OR2A1: variants seen among roughly 807,000 people sequenced by gnomAD.
The protein encoded by OR2A1 is olfactory receptor family 2 subfamily A member 1, also known as olfactory receptor 2A1/2A42.
For synonymous variants in OR2A1, 2 were observed against 94.7 expected (o/e 0.02, Z 5.68); for missense variants, 1 against 212.3 (o/e 0.00, Z 6.19).
rs1456266267 is a variant in OR2A1 at position 144,321,736 on chromosome 7, CA to C, written c.*2680del. ...ACCCAAAGCAAGATGCAAATGGACA[CA>C]TTTTTTTTCTGAAGACTTAAAAGTG... On this transcript the variant is annotated 3_prime_UTR_variant, in exon 2 of 2. Coordinates refer to ENST00000641044, the MANE Select transcript of OR2A1 (RefSeq NM_001005287.2). 19 of 148,578 alleles carry C rather than the reference CA, an allele frequency of 1.3e-4. No individual in the cohort carries two copies. Among genetic ancestry groups the C allele is most frequent in the East Asian group, 1.9e-4 (1 of 5,158 alleles). 9.2% of individuals were successfully genotyped at this position (148,578 alleles called of 1,614,324 possible).
Position 144,315,174 on chromosome 7 carries a change from A to AT in OR2A1, c.-5+2638dup, listed in dbSNP as rs1359124990. ...TACATTTGCAACTGGGTTATATTTA[A>AT]TTTTTTTTTTTAGTCTCTCCTTTCA... On this transcript the variant is annotated intron_variant, in intron 1 of 1. Transcript: ENST00000641044. Among the ~76,000 whole-genome samples, 39 of 41,160 alleles carry AT rather than the reference A, an allele frequency of 9.5e-4. 14 individuals carry two copies. Among genetic ancestry groups the AT allele is most frequent in the Middle Eastern group, 0.018 (2 of 112 alleles). 27.0% of individuals were successfully genotyped at this position (41,160 alleles called of 152,430 possible).
In OR2A1 at chr7:144,320,425, T is replaced by TGC. The variant is rs983917231; in HGVS notation, c.*1369_*1370dup. 1 of 76,798 alleles carries TGC rather than the reference T, an allele frequency of 1.3e-5. No individual in the cohort carries two copies. The highest frequency in any genetic ancestry group is 2.3e-5 in the Non-Finnish European group (1 of 43,142). 4.8% of individuals were successfully genotyped at this position (76,798 alleles called of 1,614,324 possible). ...ACTCACATGCTCACGTACATGCGTGTGCACACACACACACACACACACACA... is the reference window on the plus strand; with the variant it reads ...ACTCACATGCTCACGTACATGCGTGTGCGCACACACACACACACACACACACA... On this transcript the variant is annotated 3_prime_UTR_variant, in exon 2 of 2. Coordinates refer to ENST00000641044, the MANE Select transcript of OR2A1 (RefSeq NM_001005287.2).
upstream of OR2A1, among the ~76,000 whole-genome samples, chr7:144,312,208 C>A (rs1340126185): frequency 2.1e-5 from 2 of 93,160 alleles, no homozygotes; most frequent in African/African-American, 8.5e-5. Context: ...ATAGAAAAAA[C>A]CAATTGTCCT....
intron 1 of OR2A1, among the ~76,000 whole-genome samples, chr7:144,317,013 TG>T (rs2053095616): frequency 8.1e-6 from 1 of 123,128 alleles, no homozygotes; most frequent in East Asian, 2.0e-4. Flanking sequence ...AAATATTATT[TG>T]GCACATCACC....
rs1271882486 is a variant in OR2A1, at chr7:144,320,996, G to C, written c.*1939G>C. On this transcript the variant is annotated 3_prime_UTR_variant, in exon 2 of 2. Transcript: ENST00000641044. The stretch of plus-strand genomic sequence containing the variant: ...TTAAGTTGATGGTTCATCAATTGAA[G>C]AACATTAGAAAGTGTTTTTGTAAAT... 1.2e-5 allele frequency: 1 copy of C among 84,056 alleles called. No individual in the cohort carries two copies. Among genetic ancestry groups the C allele is most frequent in the Non-Finnish European group, 2.3e-5 (1 of 43,346 alleles). The allele number at this position is 84,056 out of a possible 1,614,324, so 5.2% of individuals were successfully genotyped here.
rs2053063170 is a variant in OR2A1, at chr7:144,315,380, A to T, written c.-4-2741A>T. Reference sequence around the variant, plus strand: ...GGTTAAAAAAACTATGCATTCATTCATTTATTCATTTGTATTTATTCATTA... The same window carrying T: ...GGTTAAAAAAACTATGCATTCATTCTTTTATTCATTTGTATTTATTCATTA... On this transcript the variant is annotated intron_variant, in intron 1 of 1. Coordinates refer to ENST00000641044, the MANE Select transcript of OR2A1 (RefSeq NM_001005287.2). Among the ~76,000 whole-genome samples the T allele has an allele frequency of 3.5e-5, 2 of 56,540 alleles. 1 individual carries two copies. Among genetic ancestry groups the T allele is most frequent in the Admixed American group, 4.4e-4 (2 of 4,582 alleles). 37.1% of individuals were successfully genotyped at this position (56,540 alleles called of 152,430 possible).
Position 144,320,442 on chromosome 7 carries a change from A to ACG in OR2A1, c.*1386_*1387insGC, listed in dbSNP as rs1274946356. 3 of 133,522 alleles carry ACG rather than the reference A, an allele frequency of 2.2e-5. No individual in the cohort carries two copies. The highest frequency in any genetic ancestry group is 4.6e-5 in the Non-Finnish European group (3 of 64,966). The allele number at this position is 133,522 out of a possible 1,614,324, so 8.3% of individuals were successfully genotyped here. On this transcript the variant is annotated 3_prime_UTR_variant, in exon 2 of 2. Transcript: ENST00000641044. Reference sequence around the variant, plus strand: ...CATGCGTGTGCACACACACACACACACACACACATATACGCACAGTGCTTA... The same window carrying ACG: ...CATGCGTGTGCACACACACACACACACGCACACACATATACGCACAGTGCTTA...
intron 1 of OR2A1, among the ~76,000 whole-genome samples, chr7:144,316,257 C>G (rs867633237): frequency 0.031 from 4,190 of 137,232 alleles, 4 homozygotes; most frequent in Non-Finnish European, 0.05. Flanking sequence ...AGTATACAAT[C>G]ATTTGTTACC....
Position 144,321,512 on chromosome 7 carries a change from G to C in OR2A1, c.*2455G>C, listed in dbSNP as rs1172636149. 6.6e-6 allele frequency: 1 copy of C among 152,172 alleles called. No homozygotes were observed. Among genetic ancestry groups the C allele is most frequent in the East Asian group, 1.9e-4 (1 of 5,260 alleles). The allele number at this position is 152,172 out of a possible 1,614,324, so 9.4% of individuals were successfully genotyped here. A position where few individuals can be genotyped will look rare whatever the true frequency, so the allele number is the denominator to read the frequency against. On this transcript the variant is annotated 3_prime_UTR_variant, in exon 2 of 2. Coordinates refer to ENST00000641044, the MANE Select transcript of OR2A1 (RefSeq NM_001005287.2). ...GCAGTCCTCTCTTAGGATTGGCCCA[G>C]GCATCCAAGAAGCCCACGATGCTGC...
In OR2A1 at chr7:144,319,163, G is replaced by T; in HGVS notation, c.*106G>T. On this transcript the variant is annotated 3_prime_UTR_variant, in exon 2 of 2. Coordinates refer to ENST00000641044, the MANE Select transcript of OR2A1 (RefSeq NM_001005287.2). Reference sequence around the variant, plus strand: ...TTATATCTGAGACTGAATGAACCAAGAGACTCTGCAAAGCATTCCTTTTTC... The same window carrying T: ...TTATATCTGAGACTGAATGAACCAATAGACTCTGCAAAGCATTCCTTTTTC... 2.2e-6 allele frequency: 1 copy of T among 460,784 alleles called. No homozygotes were observed. The highest frequency in any genetic ancestry group is 3.8e-5 in the East Asian group (1 of 26,510). The allele number at this position is 460,784 out of a possible 1,614,324, so 28.5% of individuals were successfully genotyped here.
chr7:144,321,780 A>T lies in OR2A1; in HGVS notation c.*2723A>T, dbSNP rs2053167515. On this transcript the variant is annotated 3_prime_UTR_variant, in exon 2 of 2. Transcript: ENST00000641044. ...TAAAAGTGCTATGTGAACATAAGAT[A>T]AACTGTTATGATTACCCTGCTGTCA... 1 of 149,036 alleles carries T rather than the reference A, an allele frequency of 6.7e-6. No homozygotes were observed. 9.2% of individuals were successfully genotyped at this position (149,036 alleles called of 1,614,324 possible). A position where few individuals can be genotyped will look rare whatever the true frequency, so the allele number is the denominator to read the frequency against.
chr7:144,320,525 C>A lies in OR2A1; in HGVS notation c.*1468C>A. The A allele has an allele frequency of 8.9e-6, 1 of 112,410 alleles. No individual in the cohort carries two copies. Among genetic ancestry groups the A allele is most frequent in the Non-Finnish European group, 1.7e-5 (1 of 57,552 alleles). The allele number at this position is 112,410 out of a possible 1,614,324, so 7.0% of individuals were successfully genotyped here. Reference sequence around the variant, plus strand: ...GAGCTCTTTAAGTCCTCATAAAAACCCTATGAGGTAGAGACTATTACTACT... The same window carrying A: ...GAGCTCTTTAAGTCCTCATAAAAACACTATGAGGTAGAGACTATTACTACT... On this transcript the variant is annotated 3_prime_UTR_variant, in exon 2 of 2. Coordinates refer to ENST00000641044, the MANE Select transcript of OR2A1 (RefSeq NM_001005287.2).
chr7:144,312,173 C>G (rs1234005437), upstream of OR2A1, among the ~76,000 whole-genome samples: 1 of 96,532 alleles, frequency 1.0e-5, no homozygotes, highest in African/African-American at 4.0e-5. Flanking sequence ...GTTAATTGTG[C>G]ATCCTGCTGG....
Position 144,318,811 on chromosome 7 carries a change from TG to T in OR2A1, c.691del (p.Glu231ArgfsTer57). 2.0e-6 allele frequency: 1 copy of T among 488,272 alleles called. No individual in the cohort carries two copies. The highest frequency in any genetic ancestry group is 4.5e-5 in the African/African-American group (1 of 21,996). The allele number at this position is 488,272 out of a possible 1,614,324, so 30.2% of individuals were successfully genotyped here. A position where few individuals can be genotyped will look rare whatever the true frequency, so the allele number is the denominator to read the frequency against. ...ILAAILRIQS[G>X]EGRRKAFSTC... ...TGGCGGCCATCCTGAGGATCCAGTCTGGGGAGGGCCGCAGAAAGGCCTTCTC... is the reference window on the plus strand; with the variant it reads ...TGGCGGCCATCCTGAGGATCCAGTCTGGGAGGGCCGCAGAAAGGCCTTCTC... On this transcript the variant is annotated frameshift_variant, in exon 2 of 2. Transcript: ENST00000641044. LOFTEE classifies it high-confidence loss of function.
chr7:144,315,821 A>G (rs2053068480), intron 1 of OR2A1, among the ~76,000 whole-genome samples: 1 of 99,290 alleles, frequency 1.0e-5, no homozygotes, highest in South Asian at 2.7e-4. Flanking sequence ...ATAATAATAC[A>G]TTGTCTGTAC....
Position 144,320,423 on chromosome 7 carries a change from T to TGCGC in OR2A1, c.*1367_*1368insCGCG, listed in dbSNP as rs200942494. Reference sequence around the variant, plus strand: ...ACACTCACATGCTCACGTACATGCGTGTGCACACACACACACACACACACA... The same window carrying TGCGC: ...ACACTCACATGCTCACGTACATGCGTGCGCGTGCACACACACACACACACACACA... On this transcript the variant is annotated 3_prime_UTR_variant, in exon 2 of 2. Transcript: ENST00000641044. The TGCGC allele has an allele frequency of 2.4e-5, 2 of 84,400 alleles. 1 individual carries two copies. The highest frequency in any genetic ancestry group is 1.4e-4 in the African/African-American group (2 of 14,268). 5.2% of individuals were successfully genotyped at this position (84,400 alleles called of 1,614,324 possible).
intron 1 of OR2A1, among the ~76,000 whole-genome samples, chr7:144,315,879 T>G (rs201187600): frequency 0.51 from 40,882 of 80,740 alleles, 11,454 homozygotes; most frequent in East Asian, 0.74. Context: ...GGCATGCACC[T>G]GTAATCCCAG....
chr7:144,312,923 G>C (rs1216951523), intron 1 of OR2A1, among the ~76,000 whole-genome samples: 3 of 45,816 alleles, frequency 6.5e-5, no homozygotes, highest in African/African-American at 2.6e-4. Context: ...GTTAAAGACT[G>C]ATAATAATTG....
At position 144,322,165 on chromosome 7, in the gene OR2A1, G is replaced by A. The variant is rs2053173279; in HGVS notation, c.*3108G>A. 6.9e-6 allele frequency: 1 copy of A among 144,500 alleles called. No individual in the cohort carries two copies. Among genetic ancestry groups the A allele is most frequent in the Admixed American group, 6.7e-5 (1 of 14,854 alleles). The allele number at this position is 144,500 out of a possible 1,614,324, so 9.0% of individuals were successfully genotyped here. A position where few individuals can be genotyped will look rare whatever the true frequency, so the allele number is the denominator to read the frequency against. The stretch of plus-strand genomic sequence containing the variant: ...CAACTTTTTGTAATCCTCAACCTGG[G>A]ATTTACAGTGCATGTCTCAATTATG... On this transcript the variant is annotated 3_prime_UTR_variant, in exon 2 of 2. Transcript: ENST00000641044.
Sources: allele counts gnomAD v4.1 joint callset (sites outside exome capture counted in the v4.1 genomes callset), GRCh38; gene constraint gnomAD v4.1.1; transcripts MANE v1.5; gene names NCBI Gene and HGNC (gene_info 2026-07-23, HGNC 2026-07-21).